The following CMTM8 variants were observed in gnomAD, a reference collection of about 807,000 sequenced individuals.
The protein encoded by CMTM8 is CKLF-like MARVEL transmembrane domain-containing protein 8.
A neutral mutation model predicts 18.6 loss-of-function variants in CMTM8; 12 were observed. The ratio of observed to expected loss-of-function variants is 0.65; its 90% CI spans 0.41 to 1.05. The LOEUF is 1.05. Among genes scored for constraint, CMTM8 ranks in the 50% least tolerant of loss-of-function variants. CMTM8 has a pLI of 0.00. For synonymous variants in CMTM8, 87 were observed against 90.6 expected, an observed-to-expected ratio of 0.96 and a Z score of 0.23; for missense variants, 217 against 227.2, an observed-to-expected ratio of 0.95 and a Z score of 0.29.
intron 1 of CMTM8, among the ~76,000 whole-genome samples, chr3:32,280,846 C>CAAAAAAAAAAAAAAAAA (rs60845487): frequency 1.5e-5 from 1 of 68,172 alleles, no homozygotes. Flanking sequence ...AGAAAATAGG[C>CAAAAAAAAAAAAAAAAA]AAAAAAAAAA....
chr3:32,256,516 G>A (rs1360881902), intron 1 of CMTM8, among the ~76,000 whole-genome samples: 1 of 152,118 alleles, frequency 6.6e-6, no homozygotes, highest in Non-Finnish European at 1.5e-5. Context: ...ATGATGTCTT[G>A]CACTACTACC....
At chr3:32,298,898 TACACAC>T (rs1212960579) in intron 1 of CMTM8, among the ~76,000 whole-genome samples, 1 of 136,034 alleles carries the variant, frequency 7.4e-6, no homozygotes, top group African/African-American at 2.7e-5. Flanking sequence ...TATACACACA[TACACAC>T]ACACACACAT....
At chr3:32,338,263 T>C (rs1696426679) in intron 1 of CMTM8, among the ~76,000 whole-genome samples, 1 of 152,102 alleles carries the variant, frequency 6.6e-6, no homozygotes, top group Non-Finnish European at 1.5e-5. Context: ...ATTACAGGTG[T>C]AAGCCACCGT....
chr3:32,321,574 C>T lies in CMTM8; in HGVS notation c.148-35799C>T, dbSNP rs529242471. On this transcript the variant is annotated intron_variant, in intron 1 of 3. Transcript: ENST00000307526. ...AGTTGGCAAACTACAGCCTGGGAAC[C>T]AGATCATGCCTGCTGCCTGTTTTTA... Among the ~76,000 whole-genome samples the T allele has an allele frequency of 2.6e-5, 4 of 152,274 alleles. No individual in the cohort carries two copies. In the East Asian group the frequency reaches 5.8e-4, roughly 22 times the overall value.
At chr3:32,345,473 G>A (rs1696580390) in intron 1 of CMTM8, among the ~76,000 whole-genome samples, 1 of 152,152 alleles carries the variant, frequency 6.6e-6, no homozygotes, top group Non-Finnish European at 1.5e-5. Context: ...TTTGATGTTT[G>A]TGATGACGCT....
At chr3:32,246,009 G>C (rs1431908496) in intron 1 of CMTM8, among the ~76,000 whole-genome samples, 1 of 152,114 alleles carries the variant, frequency 6.6e-6, no homozygotes, top group African/African-American at 2.4e-5. Context: ...GTAGAGACAG[G>C]GTTTCACGAA....
At chr3:32,274,319 A>G (rs770224859) in intron 1 of CMTM8, among the ~76,000 whole-genome samples, 4 of 151,704 alleles carry the variant, frequency 2.6e-5, no homozygotes, top group East Asian at 1.9e-4. Context: ...AAAAAATTTC[A>G]TGTTTTACCC....
chr3:32,343,012 ACT>A (rs1358383565), intron 1 of CMTM8, among the ~76,000 whole-genome samples: 1 of 152,038 alleles, frequency 6.6e-6, no homozygotes, highest in Non-Finnish European at 1.5e-5. Flanking sequence ...CACTAAGCAA[ACT>A]CTGCCTCTCA....
chr3:32,306,022 C>T (rs1695708652), intron 1 of CMTM8, among the ~76,000 whole-genome samples: 1 of 152,114 alleles, frequency 6.6e-6, no homozygotes, highest in South Asian at 2.1e-4. Flanking sequence ...GAGTGTGTAG[C>T]AGTTAGTATG....
intron 1 of CMTM8, among the ~76,000 whole-genome samples, chr3:32,267,488 C>T (rs564548850): frequency 2.0e-5 from 3 of 152,050 alleles, no homozygotes; most frequent in Non-Finnish European, 4.4e-5. Flanking sequence ...GGCCTAAAAC[C>T]ATAAAAACCC....
rs148004069 is a variant in CMTM8 at position 32,293,077 on chromosome 3, G to GTGTGTGTATATATA, written c.147+53959_147+53960insGTGTGTATATATAT. Reference sequence around the variant, plus strand: ...ATATGATGTGTGTATATATGTGTGTGTATATATATATATATATATATTTAA... The same window carrying GTGTGTGTATATATA: ...ATATGATGTGTGTATATATGTGTGTGTGTGTGTATATATATATATATATATATATATATATTTAA... On this transcript the variant is annotated intron_variant, in intron 1 of 3. Transcript: ENST00000307526. Among the ~76,000 whole-genome samples, 528 of 145,770 alleles carry GTGTGTGTATATATA rather than the reference G, an allele frequency of 3.6e-3. 9 individuals carry two copies. In the East Asian group the frequency reaches 0.056, roughly 15 times the overall value.
At chr3:32,315,000 C>T (rs1695892819) in intron 1 of CMTM8, among the ~76,000 whole-genome samples, 1 of 152,078 alleles carries the variant, frequency 6.6e-6, no homozygotes, top group Admixed American at 6.5e-5. Context: ...GTCCCTGTTT[C>T]CCTGTTCATA....
intron 1 of CMTM8, among the ~76,000 whole-genome samples, chr3:32,314,371 G>A (rs556568308): frequency 2.0e-5 from 3 of 152,188 alleles, no homozygotes; most frequent in Non-Finnish European, 2.9e-5. Flanking sequence ...AGAAATTGAG[G>A]GAGGGTTGAT....
chr3:32,298,440 T>TCCC (rs1559373239), intron 1 of CMTM8, among the ~76,000 whole-genome samples: 20 of 142,524 alleles, frequency 1.4e-4, no homozygotes, highest in African/African-American at 4.9e-4. Flanking sequence ...ATACCCCCCT[T>TCCC]TTTTTTTTTT....
At chr3:32,259,548 A>G in intron 1 of CMTM8, 1 of 809,406 alleles carries the variant, frequency 1.2e-6, no homozygotes, top group Non-Finnish European at 2.2e-6. Context: ...ACAGAGATCG[A>G]GGCTCTCAAG....
At chr3:32,344,703 C>T (rs538975842) in intron 1 of CMTM8, among the ~76,000 whole-genome samples, 30 of 152,166 alleles carry the variant, frequency 2.0e-4, no homozygotes, top group South Asian at 1.7e-3. Context: ...GAAGTCAGCC[C>T]GGGCAACATA....
chr3:32,363,544 A>G (rs1173258193), intron 2 of CMTM8, among the ~76,000 whole-genome samples: 1 of 152,336 alleles, frequency 6.6e-6, no homozygotes, highest in African/African-American at 2.4e-5. Context: ...CTCCGTTACC[A>G]TATAATAAGA....
Position 32,340,068 on chromosome 3 carries a change from TATCTC to T in CMTM8, c.148-17303_148-17299del, listed in dbSNP as rs200242163. On this transcript the variant is annotated intron_variant, in intron 1 of 3. Transcript: ENST00000307526. ...CCAAGTCTTTGTATTAATTCATCCT[TATCTC>T]AGCCAGCTGATTGCATTTCTTGTCA... is the stretch of plus-strand genomic sequence containing the variant. 5.5e-3 allele frequency among the ~76,000 whole-genome samples: 834 copies of T among 152,368 alleles called. 7 individuals are homozygous for T. The highest frequency in any genetic ancestry group is 0.019 in the African/African-American group (786 of 41,582).
chr3:32,319,076 T>TATATA lies in CMTM8; in HGVS notation c.148-38297_148-38296insATATA, dbSNP rs1275408606. ...TATATACATATATATATATATATAT[T>TATATA]TTTTTTTTTTTTTTTTTTTGAGACA... is the stretch of plus-strand genomic sequence containing the variant. On this transcript the variant is annotated intron_variant, in intron 1 of 3. Transcript: ENST00000307526. Among the ~76,000 whole-genome samples the TATATA allele has an allele frequency of 1.5e-3, 30 of 19,660 alleles. No homozygotes were observed. In the South Asian group the frequency reaches 0.018, roughly 12 times the overall value. 12.9% of individuals were successfully genotyped at this position (19,660 alleles called of 152,430 possible). A position where few individuals can be genotyped will look rare whatever the true frequency, so the allele number is the denominator to read the frequency against.
Sources: allele counts gnomAD v4.1 joint callset (sites outside exome capture counted in the v4.1 genomes callset), GRCh38; gene constraint gnomAD v4.1.1; transcripts MANE v1.5; gene names NCBI Gene and HGNC (gene_info 2026-07-23, HGNC 2026-07-21).